The following BUB3 variants were observed in gnomAD, a reference collection of about 807,000 sequenced individuals.
BUB3 encodes the protein mitotic checkpoint protein BUB3.
Under a neutral mutation model 39.9 loss-of-function variants are expected in BUB3, and 22 were observed. That is an observed-to-expected ratio of 0.55 (90% CI 0.39 to 0.79). The LOEUF is 0.79. Among genes scored for constraint, BUB3 ranks in the 30% least tolerant of loss-of-function variants. The pLI is 0.00. For synonymous variants in BUB3, 168 were observed against 155.1 expected (o/e 1.08, Z -0.62); for missense variants, 303 against 415.4 (o/e 0.73, Z 2.35).
chr10:123,155,576 C>A, intron 2 of BUB3, 82 bp from the exon 3 acceptor site: 4 of 1,343,932 alleles, frequency 3.0e-6, no homozygotes, highest in Non-Finnish European at 4.2e-6. Context: ...CGAGCATAAA[C>A]TGAACACTTG....
rs1844469129 is a variant in BUB3, at chr10:123,164,867, T to C, written c.*1032T>C. ...TTGTTGTCAAACTTTAAAATTTATA[T>C]TAATTTGCAAATGTATGTCTCTGAG... On this transcript the variant is annotated 3_prime_UTR_variant, in exon 8 of 8. Coordinates refer to ENST00000368865, the MANE Select transcript of BUB3 (RefSeq NM_004725.4). The C allele has an allele frequency of 7.3e-7, 1 of 1,362,672 alleles. No individual in the cohort carries two copies. The highest frequency in any genetic ancestry group is 1.5e-5 in the African/African-American group (1 of 68,722). 84.4% of individuals were successfully genotyped at this position (1,362,672 alleles called of 1,614,324 possible).
At position 123,154,912 on chromosome 10, in the gene BUB3, C is replaced by T; in HGVS notation, c.1-6C>T. The T allele has an allele frequency of 1.2e-6, 2 of 1,611,058 alleles. No homozygotes were observed. The highest frequency in any genetic ancestry group is 1.1e-5 in the South Asian group (1 of 90,720). Reference sequence around the variant, plus strand: ...CCCCTGGGGACTCTGGGCGCCTGTTCTGCAGATGACCGGTTCTAACGAGTT... The same window carrying T: ...CCCCTGGGGACTCTGGGCGCCTGTTTTGCAGATGACCGGTTCTAACGAGTT... On this transcript the variant is annotated splice_polypyrimidine_tract_variant and splice_region_variant and intron_variant, in intron 1 of 7. Coordinates refer to ENST00000368865, the MANE Select transcript of BUB3 (RefSeq NM_004725.4).
At position 123,167,464 on chromosome 10, in the gene BUB3, A is replaced by T. The variant is rs2133574211; in HGVS notation, c.*3629A>T. The T allele has an allele frequency of 6.6e-6, 1 of 152,242 alleles. No individual in the cohort carries two copies. Among genetic ancestry groups the T allele is most frequent in the East Asian group, 1.9e-4 (1 of 5,174 alleles). The allele number at this position is 152,242 out of a possible 1,614,324, so 9.4% of individuals were successfully genotyped here. A position where few individuals can be genotyped will look rare whatever the true frequency, so the allele number is the denominator to read the frequency against. On this transcript the variant is annotated 3_prime_UTR_variant, in exon 8 of 8. Transcript: ENST00000368865. Reference sequence around the variant, plus strand: ...TCCTCATATTGCCTGGCATTTAAACATTTTTGTATGCGTACATCTTGCTTT... The same window carrying T: ...TCCTCATATTGCCTGGCATTTAAACTTTTTTGTATGCGTACATCTTGCTTT...
In BUB3 at chr10:123,164,260, T is replaced by C; in HGVS notation, c.*425T>C. The C allele has an allele frequency of 1.0e-6, 1 of 988,160 alleles. No homozygotes were observed. Among genetic ancestry groups the C allele is most frequent in the Non-Finnish European group, 1.2e-6 (1 of 831,970 alleles). The allele number at this position is 988,160 out of a possible 1,614,324, so 61.2% of individuals were successfully genotyped here. A position where few individuals can be genotyped will look rare whatever the true frequency, so the allele number is the denominator to read the frequency against. ...TGGTTATAGTTGCTAATTCTAAAGCTGCTTCAGACTGCTTCATGAGGAGGT... is the reference window on the plus strand; with the variant it reads ...TGGTTATAGTTGCTAATTCTAAAGCCGCTTCAGACTGCTTCATGAGGAGGT... On this transcript the variant is annotated 3_prime_UTR_variant, in exon 8 of 8. Coordinates refer to ENST00000368865, the MANE Select transcript of BUB3 (RefSeq NM_004725.4).
rs1448309094 is a variant in BUB3 at position 123,155,085 on chromosome 10, C to T, written c.168C>T (p.Thr56=). The T allele has an allele frequency of 1.2e-6, 2 of 1,614,054 alleles. No individual in the cohort carries two copies. Among genetic ancestry groups the T allele is most frequent in the Non-Finnish European group, 1.7e-6 (2 of 1,179,990 alleles). ...CCATGCGGCTCAAGTACCAGCACAC[C>T]GGCGCCGTCCTGGACTGCGCCTTCT... ...ANSMRLKYQH[T]GAVLDCAFYD... The change falls in exon 2 of 8, where the codon ACC becomes ACT. Residue 56 remains threonine (T), a synonymous_variant. Coordinates refer to ENST00000368865, the MANE Select transcript of BUB3 (RefSeq NM_004725.4).
intron 5 of BUB3, among the ~76,000 whole-genome samples, chr10:123,161,155 A>C (rs1844418161): frequency 6.6e-6 from 1 of 151,952 alleles, no homozygotes. Context: ...TTTATTAGTG[A>C]GCTCCCTCCT....
At chr10:123,156,421 T>A (rs1000457644) in intron 3 of BUB3, among the ~76,000 whole-genome samples, 1 of 152,168 alleles carries the variant, frequency 6.6e-6, no homozygotes, top group East Asian at 1.9e-4. Context: ...TACAGAGATA[T>A]GACTAGAGAG....
At chr10:123,157,156 G>T (rs535109364) in intron 3 of BUB3, among the ~76,000 whole-genome samples, 1 of 152,230 alleles carries the variant, frequency 6.6e-6, no homozygotes, top group Non-Finnish European at 1.5e-5. Flanking sequence ...AAAAGAAAAT[G>T]TCTATTGAAA....
At position 123,165,581 on chromosome 10, in the gene BUB3, C is replaced by G. The variant is rs1189180717; in HGVS notation, c.*1746C>G. ...CATTTCCCTCATGCCCCCTTGTGCCCTCTCGGTGGATCAGCAGGGCCTTTG... is the reference window on the plus strand; with the variant it reads ...CATTTCCCTCATGCCCCCTTGTGCCGTCTCGGTGGATCAGCAGGGCCTTTG... On this transcript the variant is annotated 3_prime_UTR_variant, in exon 8 of 8. Transcript: ENST00000368865. The G allele has an allele frequency of 6.6e-6, 1 of 152,384 alleles. No homozygotes were observed. The highest frequency in any genetic ancestry group is 2.4e-5 in the African/African-American group (1 of 41,352). The allele number at this position is 152,384 out of a possible 1,614,324, so 9.4% of individuals were successfully genotyped here.
chr10:123,162,087 G>T (rs1331421492), intron 5 of BUB3, 149 bp from the exon 6 acceptor site: 1 of 700,374 alleles, frequency 1.4e-6, no homozygotes, highest in African/African-American at 1.8e-5. Flanking sequence ...TCATAACCAT[G>T]TTAGTACAGC....
At position 123,164,659 on chromosome 10, in the gene BUB3, A is replaced by G; in HGVS notation, c.*824A>G. 2.0e-6 allele frequency: 2 copies of G among 1,000,004 alleles called. No individual in the cohort carries two copies. Among genetic ancestry groups the G allele is most frequent in the Non-Finnish European group, 2.4e-6 (2 of 839,540 alleles). The allele number at this position is 1,000,004 out of a possible 1,614,324, so 61.9% of individuals were successfully genotyped here. On this transcript the variant is annotated 3_prime_UTR_variant, in exon 8 of 8. Transcript: ENST00000368865. ...TCTAAATGAATTTTTGGAAACATTA[A>G]TGAGGTTTACATATTTCTCTGACAT...
At chr10:123,159,872 G>T (rs1844398445) in intron 4 of BUB3, among the ~76,000 whole-genome samples, 1 of 151,936 alleles carries the variant, frequency 6.6e-6, no homozygotes, top group African/African-American at 2.4e-5. Context: ...CACCCTTCCT[G>T]GAAAGGCCTA....
At chr10:123,157,699 G>A (rs1844367371) in intron 3 of BUB3, 30 bp from the exon 4 acceptor site, 2 of 1,544,288 alleles carry the variant, frequency 1.3e-6, no homozygotes, top group Admixed American at 3.9e-5. Context: ...CTAGATGTTG[G>A]GGTTTTTTCC....
Position 123,164,495 on chromosome 10 carries a change from A to C in BUB3, c.*660A>C. 1.0e-6 allele frequency: 1 copy of C among 985,726 alleles called. No homozygotes were observed. The highest frequency in any genetic ancestry group is 1.2e-6 in the Non-Finnish European group (1 of 830,144). The allele number at this position is 985,726 out of a possible 1,614,324, so 61.1% of individuals were successfully genotyped here. A position where few individuals can be genotyped will look rare whatever the true frequency, so the allele number is the denominator to read the frequency against. Reference sequence around the variant, plus strand: ...ACTGTAAACAATTATTTATTAGCAAACAATTGATCCCAGAAGGGCAAATTG... The same window carrying C: ...ACTGTAAACAATTATTTATTAGCAACCAATTGATCCCAGAAGGGCAAATTG... On this transcript the variant is annotated 3_prime_UTR_variant, in exon 8 of 8. Coordinates refer to ENST00000368865, the MANE Select transcript of BUB3 (RefSeq NM_004725.4).
chr10:123,164,935 A>T lies in BUB3; in HGVS notation c.*1100A>T, dbSNP rs538788291. 38 of 1,478,658 alleles carry T rather than the reference A, an allele frequency of 2.6e-5. No individual in the cohort carries two copies. Among genetic ancestry groups the T allele is most frequent in the Non-Finnish European group, 3.3e-5 (37 of 1,114,718 alleles). The allele number at this position is 1,478,658 out of a possible 1,614,324, so 91.6% of individuals were successfully genotyped here. On this transcript the variant is annotated 3_prime_UTR_variant, in exon 8 of 8. Transcript: ENST00000368865. ...CTGAGATTTATTTTATCCGTGATGT[A>T]TTTTTTTTAATTCTTTTGATACAGA...
intron 4 of BUB3, among the ~76,000 whole-genome samples, chr10:123,159,246 G>A (rs191597917): frequency 3.9e-5 from 6 of 152,272 alleles, no homozygotes; most frequent in African/African-American, 1.4e-4. Flanking sequence ...AGAGAGGGGT[G>A]GGACATGGCG....
chr10:123,158,376 TACTG>T (rs1336576025), intron 4 of BUB3, among the ~76,000 whole-genome samples: 2 of 152,252 alleles, frequency 1.3e-5, no homozygotes, highest in Non-Finnish European at 2.9e-5. Flanking sequence ...TATTTTTTAA[TACTG>T]ACAGATGTAG....
At position 123,162,266 on chromosome 10, in the gene BUB3, G is replaced by A. The variant is rs955198523; in HGVS notation, c.607G>A (p.Val203Met). ...TGTATTAAGCTCTATTGAAGGCCGA[G>A]TGGCAGTTGAGTATTTGGACCCAAG... is the stretch of plus-strand genomic sequence containing the variant. The part of the protein sequence containing the change: ...GYVLSSIEGR[V>M]AVEYLDPSPE... The change falls in exon 6 of 8, where the codon GTG (valine) becomes ATG (methionine). Residue 203 changes from valine to methionine, a missense_variant. Val to Met is a conservative substitution (Grantham distance 21, BLOSUM62 1). This residue lies in a region of BUB3 where 182 missense variants were observed against 293.1 expected (regional missense o/e 0.62). Coordinates refer to ENST00000368865, the MANE Select transcript of BUB3 (RefSeq NM_004725.4). The A allele has an allele frequency of 6.2e-7, 1 of 1,614,088 alleles. No homozygotes were observed. The highest frequency in any genetic ancestry group is 8.5e-7 in the Non-Finnish European group (1 of 1,179,998).
In BUB3 at chr10:123,160,536, C is replaced by T. The variant is rs765842898; in HGVS notation, c.547C>T (p.Arg183Cys). ...RRESSLKYQTRCIRAFPNKQG... is the reference protein window; with the variant it reads ...RRESSLKYQTCCIRAFPNKQG... The stretch of plus-strand genomic sequence containing the variant: ...GGAGTCCAGCCTGAAATACCAGACT[C>T]GCTGCATACGAGCGTTTCCAAACAA... Residue 183 changes from arginine to cysteine, a missense_variant, in exon 5 of 8, where the codon CGC becomes TGC. By Grantham distance (180) the Arg-to-Cys change is radical. This residue lies in a region of BUB3 where 182 missense variants were observed against 293.1 expected (regional missense o/e 0.62). Coordinates refer to ENST00000368865, the MANE Select transcript of BUB3 (RefSeq NM_004725.4). 1.9e-6 allele frequency: 3 copies of T among 1,607,902 alleles called. No homozygotes were observed. Among genetic ancestry groups the T allele is most frequent in the Non-Finnish European group, 1.7e-6 (2 of 1,178,254 alleles).
Sources: allele counts gnomAD v4.1 joint callset (sites outside exome capture counted in the v4.1 genomes callset), GRCh38; gene constraint gnomAD v4.1.1; regional missense constraint gnomAD v4.1.1; transcripts MANE v1.5; gene names NCBI Gene and HGNC (gene_info 2026-07-23, HGNC 2026-07-21).